NCKAP5: variants seen among roughly 807,000 people sequenced by gnomAD.
NCKAP5 encodes the protein nck-associated protein 5.
A neutral mutation model predicts 167.0 loss-of-function variants in NCKAP5; 92 were observed. The ratio of observed to expected loss-of-function variants is 0.55; its 90% CI spans 0.47 to 0.66. The LOEUF (loss-of-function observed/expected upper bound fraction) is 0.66, where lower values mean the gene tolerates loss of function less well. Ranked by LOEUF, NCKAP5 falls within the 30% of genes least tolerant of loss-of-function variation. NCKAP5 has a pLI of 0.00. For synonymous variants in NCKAP5, 891 were observed against 877.4 expected (o/e 1.02, Z -0.27); for missense variants, 2,378 against 2,315.0 (o/e 1.03, Z -0.56).
In NCKAP5 at chr2:133,447,069, G is replaced by C. The variant is rs776571544; in HGVS notation, c.69+70389C>G. Among the ~76,000 whole-genome samples, 7 of 152,164 alleles carry C rather than the reference G, an allele frequency of 4.6e-5. No individual in the cohort carries two copies. The South Asian group carries it at 1.5e-3, about 32-fold the overall frequency. On this transcript the variant is annotated intron_variant, in intron 3 of 19. Transcript: ENST00000409261. The stretch of plus-strand genomic sequence containing the variant: ...TAAAGCTGAACTAGTGACTCTATGC[G>C]TGGTGGAAAACATGCCAGGAAATGT...
chr2:133,592,499 C>A, the NCKAP5 span, among the ~76,000 whole-genome samples: 1 of 152,182 alleles, frequency 6.6e-6, no homozygotes, highest in South Asian at 2.1e-4. Context: ...AAAACAATTT[C>A]TTGACTTCAT....
intron 6 of NCKAP5, among the ~76,000 whole-genome samples, chr2:133,065,304 A>C (rs1473349783): frequency 2.6e-5 from 4 of 152,224 alleles, no homozygotes; most frequent in African/African-American, 9.6e-5. Context: ...ACAGCTGCGC[A>C]ACAGCCATTT....
rs1338825462 is a variant in NCKAP5, at chr2:133,258,847, G to A, written c.143+44190C>T. On this transcript the variant is annotated intron_variant, in intron 4 of 19. Transcript: ENST00000409261. ...AAATTCTTAGAGAGAACTTCTGTAG[G>A]AGAGAAACATTTTTTAAACTTTCTC... Among the ~76,000 whole-genome samples the A allele has an allele frequency of 2.0e-5, 3 of 152,038 alleles. No homozygotes were observed. In the East Asian group the frequency reaches 5.8e-4, roughly 29 times the overall value.
intron 2 of NCKAP5, among the ~76,000 whole-genome samples, chr2:133,550,059 T>C (rs1687144908): frequency 6.6e-6 from 1 of 151,646 alleles, no homozygotes. Flanking sequence ...AGAAGTTGAA[T>C]CTCTGAATAG....
At chr2:133,326,499 A>G (rs955850008) in intron 3 of NCKAP5, among the ~76,000 whole-genome samples, 9 of 152,052 alleles carry the variant, frequency 5.9e-5, no homozygotes, top group African/African-American at 2.2e-4. Flanking sequence ...GAAAGACAAC[A>G]AAGCTGGTCA....
At chr2:133,280,691 A>T (rs2089904386) in intron 4 of NCKAP5, among the ~76,000 whole-genome samples, 1 of 152,212 alleles carries the variant, frequency 6.6e-6, no homozygotes, top group African/African-American at 2.4e-5. Flanking sequence ...AACAATTTTT[A>T]AAATTCATTC....
chr2:133,026,684 GA>G (rs1327427735), intron 6 of NCKAP5, among the ~76,000 whole-genome samples: 1 of 152,138 alleles, frequency 6.6e-6, no homozygotes, highest in Non-Finnish European at 1.5e-5. Flanking sequence ...CTGTTTTTGA[GA>G]AAGTCTGTGC....
intron 19 of NCKAP5, among the ~76,000 whole-genome samples, chr2:132,676,899 A>T (rs1036830569): frequency 6.6e-4 from 101 of 152,330 alleles, no homozygotes; most frequent in African/African-American, 2.3e-3. Flanking sequence ...TTCCTGTAGC[A>T]GTATGGGATG....
intron 8 of NCKAP5, among the ~76,000 whole-genome samples, chr2:132,900,965 C>CAA (rs1421394476): frequency 6.4e-4 from 20 of 31,456 alleles, no homozygotes; most frequent in South Asian, 1.1e-3. Context: ...GACTCTGTCT[C>CAA]AAAAAAAAAA....
chr2:133,656,768 CATT>C, the NCKAP5 span, among the ~76,000 whole-genome samples: 1 of 152,076 alleles, frequency 6.6e-6, no homozygotes, highest in African/African-American at 2.4e-5. Context: ...GATTTTATTT[CATT>C]ATTATTATTT....
chr2:133,166,411 G>A (rs949538885), intron 5 of NCKAP5, among the ~76,000 whole-genome samples: 6 of 152,108 alleles, frequency 3.9e-5, no homozygotes, highest in African/African-American at 1.4e-4. Context: ...TTAAATGGAT[G>A]CATTATATTC....
intron 3 of NCKAP5, among the ~76,000 whole-genome samples, chr2:133,340,491 A>G (rs958744978): frequency 3.3e-5 from 5 of 152,140 alleles, no homozygotes; most frequent in African/African-American, 1.2e-4. Context: ...ATTTTGCCTT[A>G]AGTTGGATCC....
In NCKAP5 at chr2:133,019,053, A is replaced by C. The variant is rs1282330264; in HGVS notation, c.342-24814T>G. Among the ~76,000 whole-genome samples the C allele has an allele frequency of 9.9e-5, 15 of 152,230 alleles. 1 individual carries two copies. The highest frequency in any genetic ancestry group is 9.8e-4 in the Admixed American group (15 of 15,278). On this transcript the variant is annotated intron_variant, in intron 6 of 19. Transcript: ENST00000409261. ...CAGGCCCAACTATGGGAATGAAGAC[A>C]ACCCTGAAGTAGATTCCTAATTCTT...
chr2:132,808,460 G>T (rs1311857615), intron 11 of NCKAP5, among the ~76,000 whole-genome samples: 2 of 152,024 alleles, frequency 1.3e-5, no homozygotes, highest in Non-Finnish European at 2.9e-5. Context: ...TCTGTTCAGG[G>T]TATCTAATTC....
intron 12 of NCKAP5, among the ~76,000 whole-genome samples, chr2:132,792,001 T>C (rs1039138390): frequency 1.3e-5 from 2 of 152,228 alleles, no homozygotes; most frequent in East Asian, 1.9e-4. Flanking sequence ...TGAGAAGGAA[T>C]TGCTGCTTCT....
At chr2:133,110,291 C>T (rs1247973572) in intron 6 of NCKAP5, among the ~76,000 whole-genome samples, 3 of 152,106 alleles carry the variant, frequency 2.0e-5, no homozygotes, top group African/African-American at 7.2e-5. Flanking sequence ...AGAACTGATC[C>T]TGGATTATTT....
intron 11 of NCKAP5, among the ~76,000 whole-genome samples, chr2:132,838,974 C>T (rs1166123433): frequency 6.6e-6 from 1 of 152,160 alleles, no homozygotes; most frequent in Non-Finnish European, 1.5e-5. Context: ...ACATGGAGAA[C>T]CTTTTGACAT....
In NCKAP5 at chr2:132,673,308, G is replaced by T; in HGVS notation, c.5714-3C>A. ...GTTTCTTCAAGTTGTCTCAATTTCTGCAATAAAAAGAAGAAAATATTAGAA... is the reference window on the plus strand; with the variant it reads ...GTTTCTTCAAGTTGTCTCAATTTCTTCAATAAAAAGAAGAAAATATTAGAA... On this transcript the variant is annotated splice_region_variant and splice_polypyrimidine_tract_variant and intron_variant, in intron 19 of 19. Transcript: ENST00000409261. 2.1e-6 allele frequency: 3 copies of T among 1,452,596 alleles called. No homozygotes were observed. Among genetic ancestry groups the T allele is most frequent in the Non-Finnish European group, 2.8e-6 (3 of 1,076,132 alleles). 90.0% of individuals were successfully genotyped at this position (1,452,596 alleles called of 1,614,324 possible).
At chr2:133,121,889 T>C (rs1208213186) in intron 6 of NCKAP5, 2 of 152,206 alleles carry the variant, frequency 1.3e-5, no homozygotes, top group Non-Finnish European at 2.9e-5. Context: ...AACAGAATAC[T>C]ATTCACGAAT....
Sources: gnomAD v4.1 joint callset for allele counts (sites outside exome capture counted in the v4.1 genomes callset) on GRCh38, gnomAD v4.1.1 for gene constraint, MANE v1.5 for transcripts, NCBI Gene and HGNC (gene_info 2026-07-23, HGNC 2026-07-21) for gene names.